Variants in RNF169 observed in about 807,000 individuals in gnomAD.
RNF169 encodes the protein ring finger protein 169.
RNF169 carries 24 observed loss-of-function variants against 53.9 expected under a neutral mutation model. That is an observed-to-expected ratio of 0.45 (90% CI 0.32 to 0.63). RNF169 has a LOEUF of 0.63. Ranked by LOEUF, RNF169 falls within the 20% of genes least tolerant of loss-of-function variation. The pLI, the probability that RNF169 is intolerant of heterozygous loss-of-function variation, is 0.04. For missense variants in RNF169, 883 were observed against 906.2 expected, an observed-to-expected ratio of 0.97 and a Z score of 0.33; for synonymous variants, 396 against 363.5, an observed-to-expected ratio of 1.09 and a Z score of -1.02.
chr11:74,817,471 C>T, intron 3 of RNF169, 125 bp from the exon 4 acceptor site: 1 of 658,972 alleles, frequency 1.5e-6, no homozygotes, highest in Non-Finnish European at 2.7e-6. Flanking sequence ...CTCCAGGAGG[C>T]AGTTGGAAAC....
At chr11:74,781,957 G>C (rs1248600307) in intron 1 of RNF169, among the ~76,000 whole-genome samples, 1 of 152,182 alleles carries the variant, frequency 6.6e-6, no homozygotes, top group African/African-American at 2.4e-5. Flanking sequence ...AAGTGGGCCT[G>C]GCATGCTACA....
At chr11:74,792,900 A>G (rs1246252356) in intron 2 of RNF169, among the ~76,000 whole-genome samples, 1 of 152,214 alleles carries the variant, frequency 6.6e-6, no homozygotes, top group Admixed American at 6.5e-5. Context: ...CATTTGGCTT[A>G]AATAAAAGTT....
intron 1 of RNF169, among the ~76,000 whole-genome samples, chr11:74,770,998 G>C (rs372875092): frequency 2.2e-4 from 33 of 151,912 alleles, no homozygotes; most frequent in African/African-American, 8.0e-4. Context: ...GTAGAGACAG[G>C]GTTTCACCGT....
intron 1 of RNF169, among the ~76,000 whole-genome samples, chr11:74,758,998 G>C (rs545017009): frequency 3.6e-4 from 54 of 151,046 alleles, no homozygotes; most frequent in African/African-American, 1.2e-3. Context: ...GCAGTGGTTT[G>C]TGGTTCTCCT....
At chr11:74,817,101 G>A (rs1311339588) in intron 3 of RNF169, among the ~76,000 whole-genome samples, 3 of 152,076 alleles carry the variant, frequency 2.0e-5, no homozygotes, top group Non-Finnish European at 4.4e-5. Context: ...AGAATAGAGT[G>A]GAAATAGCAT....
intron 4 of RNF169, among the ~76,000 whole-genome samples, chr11:74,829,615 G>A (rs972193326): frequency 3.3e-5 from 5 of 152,128 alleles, no homozygotes; most frequent in Non-Finnish European, 7.4e-5. Context: ...GTGATAGACC[G>A]AATAAAGAAA....
chr11:74,781,997 G>A (rs2035423288), intron 1 of RNF169, among the ~76,000 whole-genome samples: 1 of 152,176 alleles, frequency 6.6e-6, no homozygotes, highest in Non-Finnish European at 1.5e-5. Context: ...TGATGCTACT[G>A]GTGGTGGTAG....
intron 1 of RNF169, among the ~76,000 whole-genome samples, chr11:74,787,237 AAAC>A (rs760376983): frequency 2.0e-4 from 31 of 152,338 alleles, no homozygotes; most frequent in Non-Finnish European, 3.4e-4. Context: ...TAACCACTAT[AAAC>A]AAAGTCAACA....
intron 1 of RNF169, among the ~76,000 whole-genome samples, chr11:74,770,651 T>A (rs573815557): frequency 3.9e-5 from 6 of 152,324 alleles, no homozygotes; most frequent in Non-Finnish European, 7.4e-5. Context: ...TTTAGCCTCT[T>A]GGCTAGTGTG....
chr11:74,822,792 TTGA>T (rs1361188779), intron 4 of RNF169, among the ~76,000 whole-genome samples: 1 of 151,804 alleles, frequency 6.6e-6, no homozygotes, highest in Non-Finnish European at 1.5e-5. Flanking sequence ...CTAATAAATG[TTGA>T]TGTTTTCTTT....
At chr11:74,800,138 A>G (rs1216919989) in intron 2 of RNF169, among the ~76,000 whole-genome samples, 2 of 151,974 alleles carry the variant, frequency 1.3e-5, no homozygotes, top group Non-Finnish European at 2.9e-5. Context: ...TATGTAAAAA[A>G]GATTCCATAA....
intron 4 of RNF169, among the ~76,000 whole-genome samples, chr11:74,833,693 T>G (rs569244598): frequency 6.6e-6 from 1 of 152,314 alleles, no homozygotes; most frequent in East Asian, 1.9e-4. Context: ...ATACATATAG[T>G]AAGTATATGA....
chr11:74,787,813 A>T (rs988097526), intron 1 of RNF169, among the ~76,000 whole-genome samples: 1 of 152,224 alleles, frequency 6.6e-6, no homozygotes, highest in South Asian at 2.1e-4. Context: ...CTATGGGTAC[A>T]TCTGCAGACA....
intron 2 of RNF169, chr11:74,808,054 C>G (rs1033914948): frequency 6.6e-6 from 1 of 152,180 alleles, no homozygotes; most frequent in South Asian, 2.1e-4. Context: ...TTGTCAAAAA[C>G]TTTGAGAGCA....
intron 4 of RNF169, among the ~76,000 whole-genome samples, chr11:74,827,564 G>C (rs2036116826): frequency 6.6e-6 from 1 of 152,080 alleles, no homozygotes; most frequent in African/African-American, 2.4e-5. Flanking sequence ...TTAAACATAA[G>C]TTCCAATTCC....
intron 3 of RNF169, among the ~76,000 whole-genome samples, 174 bp downstream of exon 3, chr11:74,810,504 T>G (rs1166265539): frequency 6.6e-6 from 1 of 152,100 alleles, no homozygotes; most frequent in African/African-American, 2.4e-5. Context: ...GAAAATAATT[T>G]TTGAATGGGA....
At chr11:74,814,798 T>C (rs957693028) in intron 3 of RNF169, among the ~76,000 whole-genome samples, 2 of 152,226 alleles carry the variant, frequency 1.3e-5, no homozygotes, top group African/African-American at 4.8e-5. Flanking sequence ...TTTGCTATCT[T>C]AAACACCATT....
At position 74,841,068 on chromosome 11, in the gene RNF169, G is replaced by A. The variant is rs2036464420; in HGVS notation, c.*4338G>A. The stretch of plus-strand genomic sequence containing the variant: ...TAGTATAAGTAAGTAATATGAATGT[G>A]GAATCTTGGAAAGTGATATATTTTG... On this transcript the variant is annotated 3_prime_UTR_variant, in exon 6 of 6. Transcript: ENST00000299563. The A allele has an allele frequency of 6.6e-6, 1 of 151,756 alleles. No homozygotes were observed. The highest frequency in any genetic ancestry group is 6.6e-5 in the Admixed American group (1 of 15,228). 9.4% of individuals were successfully genotyped at this position (151,756 alleles called of 1,614,324 possible). A position where few individuals can be genotyped will look rare whatever the true frequency, so the allele number is the denominator to read the frequency against.
intron 1 of RNF169, among the ~76,000 whole-genome samples, chr11:74,787,064 G>T (rs2035513724): frequency 6.6e-6 from 1 of 152,056 alleles, no homozygotes; most frequent in African/African-American, 2.4e-5. Context: ...TAAAGATTTA[G>T]AATTTTTAAA....
Sources: allele counts gnomAD v4.1 joint callset (sites outside exome capture counted in the v4.1 genomes callset), GRCh38; gene constraint gnomAD v4.1.1; transcripts MANE v1.5; gene names NCBI Gene and HGNC (gene_info 2026-07-23, HGNC 2026-07-21).